SLC27A6: variants seen among roughly 807,000 people sequenced by gnomAD.
SLC27A6 encodes the protein long-chain fatty acid transport protein 6.
SLC27A6 carries 74 observed loss-of-function variants against 63.9 expected under a neutral mutation model. The ratio of observed to expected loss-of-function variants is 1.16; its 90% CI spans 0.96 to 1.40. SLC27A6 has a LOEUF of 1.40. Ranked by LOEUF, SLC27A6 falls within the 40% of genes most tolerant of loss-of-function variation. The probability of loss-of-function intolerance (pLI) is 0.00; values close to 1 mark genes in which losing one functional copy is unlikely to be tolerated. For synonymous variants in SLC27A6, 287 were observed against 260.8 expected (o/e 1.10, Z -0.97); for missense variants, 794 against 732.9 (o/e 1.08, Z -0.96).
At chr5:128,968,978 A>C (rs1750027889) in intron 1 of SLC27A6, among the ~76,000 whole-genome samples, 1 of 152,220 alleles carries the variant, frequency 6.6e-6, no homozygotes, top group African/African-American at 2.4e-5. Flanking sequence ...AGCTTTCTAC[A>C]TATGGCTAGC....
At chr5:129,026,460 C>T (rs955910035) in intron 6 of SLC27A6, among the ~76,000 whole-genome samples, 7 of 152,060 alleles carry the variant, frequency 4.6e-5, no homozygotes, top group Non-Finnish European at 8.8e-5. Context: ...CATCTCTTTC[C>T]CATCAAAAAT....
At chr5:128,976,383 G>A (rs954782820) in intron 1 of SLC27A6, among the ~76,000 whole-genome samples, 7 of 152,100 alleles carry the variant, frequency 4.6e-5, no homozygotes, top group African/African-American at 1.4e-4. Context: ...GTTTGGTGGT[G>A]CGTGCCTATA....
intron 1 of SLC27A6, among the ~76,000 whole-genome samples, chr5:128,980,911 T>G (rs1750563049): frequency 6.6e-6 from 1 of 152,196 alleles, no homozygotes; most frequent in South Asian, 2.1e-4. Flanking sequence ...ACTAATGGCA[T>G]ATTAGAGGGA....
chr5:129,031,594 A>G (rs957758421), intron 9 of SLC27A6, among the ~76,000 whole-genome samples: 1 of 151,972 alleles, frequency 6.6e-6, no homozygotes, highest in Admixed American at 6.6e-5. Context: ...ATGTATAAAG[A>G]TTTTAATATT....
chr5:129,017,416 A>T (rs1310174362), intron 5 of SLC27A6, among the ~76,000 whole-genome samples: 1 of 152,098 alleles, frequency 6.6e-6, no homozygotes, highest in Non-Finnish European at 1.5e-5. Context: ...ACATTAAAAA[A>T]CTTGTGCCTT....
chr5:128,966,671 A>G, intron 1 of SLC27A6, 53 bp downstream of exon 1: 2 of 1,398,356 alleles, frequency 1.4e-6, no homozygotes, highest in Non-Finnish European at 1.9e-6. Context: ...ACCTGCTTTC[A>G]TACCCTTTTT....
At position 129,033,630 on chromosome 5, in the gene SLC27A6, C is replaced by T. The variant is rs1299735631; in HGVS notation, c.*348C>T. The T allele has an allele frequency of 3.9e-5, 6 of 152,954 alleles. No homozygotes were observed. Among genetic ancestry groups the T allele is most frequent in the Non-Finnish European group, 5.8e-5 (4 of 68,750 alleles). 9.5% of individuals were successfully genotyped at this position (152,954 alleles called of 1,614,324 possible). On this transcript the variant is annotated 3_prime_UTR_variant, in exon 10 of 10. Coordinates refer to ENST00000262462, the MANE Select transcript of SLC27A6 (RefSeq NM_001017372.3). ...ATTTTGAATAAAAGATTAAATTTTA[C>T]TGAAATATTTTATTTTTATGTATCC...
chr5:128,965,639 A>C lies in SLC27A6; in HGVS notation c.-499A>C, dbSNP rs887461667. 1 of 153,260 alleles carries C rather than the reference A, an allele frequency of 6.5e-6. No homozygotes were observed. Among genetic ancestry groups the C allele is most frequent in the Non-Finnish European group, 1.5e-5 (1 of 68,846 alleles). 9.5% of individuals were successfully genotyped at this position (153,260 alleles called of 1,614,324 possible). On this transcript the variant is annotated 5_prime_UTR_variant, in exon 1 of 10. Coordinates refer to ENST00000262462, the MANE Select transcript of SLC27A6 (RefSeq NM_001017372.3). ...TCAGCCTCCAACTCAAGCTCGCGGG[A>C]AAGACTACCTGAGAGGAGAAAAGCT...
At position 128,966,200 on chromosome 5, in the gene SLC27A6, A is replaced by G. The variant is rs751521062; in HGVS notation, c.63A>G (p.Lys21=). 1.8e-5 allele frequency: 29 copies of G among 1,591,992 alleles called. No individual in the cohort carries two copies. The highest frequency in any genetic ancestry group is 2.4e-5 in the Non-Finnish European group (28 of 1,167,282). ...TGGTCGTCCTGCACTTCTTGCAGAA[A>G]CTCCTGTTCCCTTACTTTTGGGATG... ...AGMVVLHFLQ[K]LLFPYFWDDF... is the part of the protein sequence containing the mutation. The change falls in exon 1 of 10, where the codon AAA becomes AAG. Residue 21 remains lysine (K), a synonymous_variant. Coordinates refer to ENST00000262462, the MANE Select transcript of SLC27A6 (RefSeq NM_001017372.3).
chr5:128,988,801 A>C, intron 3 of SLC27A6, 43 bp downstream of exon 3: 6 of 1,484,486 alleles, frequency 4.0e-6, no homozygotes, highest in Non-Finnish European at 5.6e-6. Flanking sequence ...AAAATGTCTA[A>C]TAATTAGAAC....
At chr5:129,032,731 C>G (rs779562130) in intron 9 of SLC27A6, among the ~76,000 whole-genome samples, 2 of 151,908 alleles carry the variant, frequency 1.3e-5, no homozygotes, top group Non-Finnish European at 2.9e-5. Context: ...TTGTGTGTAC[C>G]TGTAGTAGAA....
chr5:128,979,042 C>A (rs1750491592), intron 1 of SLC27A6, among the ~76,000 whole-genome samples: 1 of 151,924 alleles, frequency 6.6e-6, no homozygotes, highest in Admixed American at 6.6e-5. Flanking sequence ...GATTATCATT[C>A]AGTCTTGTGT....
chr5:128,992,896 C>G (rs1377678096), intron 4 of SLC27A6, among the ~76,000 whole-genome samples: 1 of 152,162 alleles, frequency 6.6e-6, no homozygotes, highest in Non-Finnish European at 1.5e-5. Flanking sequence ...CCTGTTTCCT[C>G]TCATCCTTTA....
At chr5:128,971,267 G>A (rs4473813) in intron 1 of SLC27A6, among the ~76,000 whole-genome samples, 90,712 of 151,578 alleles carry the variant, frequency 0.6, 27,580 homozygotes, top group Non-Finnish European at 0.66. Flanking sequence ...GTAGATGTCT[G>A]TTAGGTCTGC....
At chr5:128,990,009 A>G (rs1750921639) in intron 3 of SLC27A6, among the ~76,000 whole-genome samples, 1 of 152,116 alleles carries the variant, frequency 6.6e-6, no homozygotes, top group Non-Finnish European at 1.5e-5. Flanking sequence ...CAAGTAAGTG[A>G]ATATTCTTGG....
chr5:129,024,203 GTAAAT>G (rs1300978541), intron 6 of SLC27A6, among the ~76,000 whole-genome samples: 5 of 151,952 alleles, frequency 3.3e-5, no homozygotes, highest in Non-Finnish European at 7.4e-5. Flanking sequence ...CACTCAGATG[GTAAAT>G]TATTAAAATA....
intron 5 of SLC27A6, 98 bp downstream of exon 5, chr5:129,016,177 G>C (rs1186179260): frequency 1.2e-6 from 1 of 811,056 alleles, no homozygotes; most frequent in Non-Finnish European, 1.9e-6. Flanking sequence ...CAGATCATGA[G>C]GTCAGGAGAT....
intron 4 of SLC27A6, among the ~76,000 whole-genome samples, chr5:128,991,092 G>C (rs1274164235): frequency 6.6e-6 from 1 of 152,218 alleles, no homozygotes; most frequent in Non-Finnish European, 1.5e-5. Context: ...GCCACTGCCG[G>C]CTCAAATGCC....
At position 128,968,292 on chromosome 5, in the gene SLC27A6, G is replaced by A. The variant is rs541212540; in HGVS notation, c.481+1674G>A. 5.3e-5 allele frequency among the ~76,000 whole-genome samples: 8 copies of A among 152,230 alleles called. 1 individual carries two copies. Among genetic ancestry groups the A allele is most frequent in the South Asian group, 4.1e-4 (2 of 4,822 alleles). Reference sequence around the variant, plus strand: ...GTATATACCCGGTAATGGGATGGCTGGGTCAAATGGTATTTCTAGTTCTAG... The same window carrying A: ...GTATATACCCGGTAATGGGATGGCTAGGTCAAATGGTATTTCTAGTTCTAG... On this transcript the variant is annotated intron_variant, in intron 1 of 9. Transcript: ENST00000262462.
Sources: gnomAD v4.1 joint callset for allele counts (sites outside exome capture counted in the v4.1 genomes callset) on GRCh38, gnomAD v4.1.1 for gene constraint, MANE v1.5 for transcripts, NCBI Gene and HGNC (gene_info 2026-07-23, HGNC 2026-07-21) for gene names.